Variants in SNX29 observed in about 807,000 individuals in gnomAD.
The protein encoded by SNX29 is sorting nexin-29.
Under a neutral mutation model 102.1 loss-of-function variants are expected in SNX29, and 78 were observed. The observed-to-expected ratio is 0.76, with a 90% CI of 0.64 to 0.92. The LOEUF (loss-of-function observed/expected upper bound fraction) is 0.92. Ranked by LOEUF, SNX29 falls within the 40% of genes least tolerant of loss-of-function variation. The probability of loss-of-function intolerance (pLI) is 0.00; values close to 1 mark genes in which losing one functional copy is unlikely to be tolerated. For missense variants in SNX29, 1,280 were observed against 1,061.7 expected, an observed-to-expected ratio of 1.21 and a Z score of -2.86; for synonymous variants, 580 against 414.5, an observed-to-expected ratio of 1.40 and a Z score of -4.85.
At chr16:12,461,447 C>T (rs77027365) in intron 18 of SNX29, among the ~76,000 whole-genome samples, 1,763 of 152,284 alleles carry the variant, frequency 0.012, 34 homozygotes, top group African/African-American at 0.04. Context: ...GTTCTAACCG[C>T]AGCCCTTCAC....
At position 12,174,919 on chromosome 16, in the gene SNX29, A is replaced by G. The variant is rs556557450; in HGVS notation, c.1596-24682A>G. Among the ~76,000 whole-genome samples, 10 of 147,468 alleles carry G rather than the reference A, an allele frequency of 6.8e-5. 1 individual carries two copies. The South Asian group carries it at 2.0e-3, about 29-fold the overall frequency. On this transcript the variant is annotated intron_variant, in intron 13 of 20. Transcript: ENST00000566228. ...GAAAGTGGTCCTATAAATGGAAAGT[A>G]TTATTACTATTAAAAAAAAAACAAC... is the stretch of plus-strand genomic sequence containing the variant.
At chr16:12,485,332 G>T (rs2088174549) in intron 19 of SNX29, among the ~76,000 whole-genome samples, 1 of 152,180 alleles carries the variant, frequency 6.6e-6, no homozygotes, top group Non-Finnish European at 1.5e-5. Flanking sequence ...CTGCATTATG[G>T]CTCAGGGAGC....
chr16:12,485,117 C>A (rs1273237252), intron 19 of SNX29, among the ~76,000 whole-genome samples: 1 of 152,212 alleles, frequency 6.6e-6, no homozygotes, highest in African/African-American at 2.4e-5. Flanking sequence ...CATAAACTTT[C>A]AAGGTGACTC....
intron 15 of SNX29, among the ~76,000 whole-genome samples, chr16:12,330,978 G>A (rs561571171): frequency 6.6e-6 from 1 of 152,356 alleles, no homozygotes; most frequent in Admixed American, 6.5e-5. Context: ...TTCCTTGACT[G>A]TTGTCCACAC....
chr16:12,206,544 CG>C (rs962650745), intron 14 of SNX29, among the ~76,000 whole-genome samples: 1 of 152,160 alleles, frequency 6.6e-6, no homozygotes, highest in Non-Finnish European at 1.5e-5. Flanking sequence ...AGTCAGTACA[CG>C]GGCGCTCCCA....
chr16:12,506,598 AAAAG>A (rs2089391085), intron 19 of SNX29, among the ~76,000 whole-genome samples: 2 of 152,258 alleles, frequency 1.3e-5, no homozygotes, highest in Admixed American at 6.5e-5. Flanking sequence ...TGATTGCCCA[AAAAG>A]AAAGAAAAGA....
chr16:12,023,995 G>C (rs550987363), intron 3 of SNX29, among the ~76,000 whole-genome samples: 1 of 152,254 alleles, frequency 6.6e-6, no homozygotes, highest in African/African-American at 2.4e-5. Context: ...CTAAGTGCAC[G>C]GGAGCTCACA....
rs2051722705 is a variant in SNX29 at position 12,078,902 on chromosome 16, G to A, written c.1389G>A (p.Glu463=). 5.0e-6 allele frequency: 8 copies of A among 1,603,772 alleles called. No homozygotes were observed. The highest frequency in any genetic ancestry group is 6.8e-6 in the Non-Finnish European group (8 of 1,175,350). Residue 463 remains glutamate, a synonymous_variant, in exon 11 of 21, where the codon GAG becomes GAA. Transcript: ENST00000566228. The stretch of plus-strand genomic sequence containing the variant: ...TGTTACCTTCTGCCTCAGTGCCAGA[G>A]TCCATGACAATTAGTAAGTACTTTC... ...SSLLPSASVP[E]SMTISELRQA... is the part of the protein sequence containing the mutation.
chr16:11,986,586 T>C (rs1158260280), intron 1 of SNX29, among the ~76,000 whole-genome samples: 1 of 152,238 alleles, frequency 6.6e-6, no homozygotes, highest in Non-Finnish European at 1.5e-5. Flanking sequence ...ATAGCACTTA[T>C]CCACGTTCCT....
rs139777896 is a variant in SNX29, at chr16:12,539,854, C to G, written c.2318+15013C>G. ...CTCTTTGGGGAAGTAAGTAAGTGTC[C>G]AAGTATTTTGCCTGTTCTTAGAAAC... On this transcript the variant is annotated intron_variant, in intron 20 of 20. Coordinates refer to ENST00000566228, the MANE Select transcript of SNX29 (RefSeq NM_032167.5). Among the ~76,000 whole-genome samples the G allele has an allele frequency of 1.1e-4, 17 of 152,170 alleles. No individual in the cohort carries two copies. The East Asian group carries it at 2.9e-3, about 26-fold the overall frequency.
intron 11 of SNX29, among the ~76,000 whole-genome samples, chr16:12,107,357 A>T (rs542886395): frequency 0.016 from 1,286 of 81,250 alleles, 19 homozygotes; most frequent in Middle Eastern, 0.057. Context: ...TTTTTTTTTT[A>T]AAACGTTTTT....
At chr16:12,259,817 C>T (rs2078680765) in intron 14 of SNX29, among the ~76,000 whole-genome samples, 1 of 152,108 alleles carries the variant, frequency 6.6e-6, no homozygotes, top group Non-Finnish European at 1.5e-5. Flanking sequence ...CAGCCCTCCC[C>T]ATGTGACTTT....
At chr16:12,220,451 G>T (rs1338702976) in intron 14 of SNX29, among the ~76,000 whole-genome samples, 1 of 152,036 alleles carries the variant, frequency 6.6e-6, no homozygotes, top group African/African-American at 2.4e-5. Context: ...GACAGGCAGG[G>T]GTCAAGCAGG....
chr16:12,541,585 C>A (rs556305951), intron 20 of SNX29, among the ~76,000 whole-genome samples: 1 of 152,274 alleles, frequency 6.6e-6, no homozygotes, highest in South Asian at 2.1e-4. Context: ...CATGCCAGAC[C>A]TCAACCCTGA....
intron 19 of SNX29, among the ~76,000 whole-genome samples, chr16:12,487,296 C>T (rs1209372933): frequency 6.6e-6 from 1 of 152,166 alleles, no homozygotes; most frequent in African/African-American, 2.4e-5. Context: ...AGTGGGTGAG[C>T]CCGACATGGA....
At chr16:12,376,841 C>G (rs2082893067) in intron 16 of SNX29, among the ~76,000 whole-genome samples, 1 of 151,580 alleles carries the variant, frequency 6.6e-6, no homozygotes, top group African/African-American at 2.4e-5. Context: ...CCTTCTCTTT[C>G]CTCTGTCTCT....
At chr16:12,328,977 A>G (rs958327322) in intron 15 of SNX29, among the ~76,000 whole-genome samples, 1 of 151,984 alleles carries the variant, frequency 6.6e-6, no homozygotes, top group African/African-American at 2.4e-5. Flanking sequence ...CTACAGTGAC[A>G]AAATAACCCC....
chr16:12,127,045 G>A (rs779773530), intron 12 of SNX29, among the ~76,000 whole-genome samples: 14 of 152,054 alleles, frequency 9.2e-5, no homozygotes, highest in Admixed American at 3.9e-4. Context: ...AAGGCAGGTG[G>A]ATCACAAGGT....
At chr16:12,560,406 C>G (rs867792150) in intron 20 of SNX29, among the ~76,000 whole-genome samples, 1 of 152,288 alleles carries the variant, frequency 6.6e-6, no homozygotes, top group Admixed American at 6.5e-5. Flanking sequence ...TCCCCAAAAG[C>G]CACAGTGTCT....
Sources: allele counts gnomAD v4.1 joint callset (sites outside exome capture counted in the v4.1 genomes callset), GRCh38; gene constraint gnomAD v4.1.1; transcripts MANE v1.5; gene names NCBI Gene and HGNC (gene_info 2026-07-23, HGNC 2026-07-21).